The following BRD7 variants were observed in gnomAD, a reference collection of about 807,000 sequenced individuals.
The protein encoded by BRD7 is bromodomain containing 7, also known as bromodomain-containing protein 7.
A neutral mutation model predicts 82.1 loss-of-function variants in BRD7; 15 were observed. The observed-to-expected ratio is 0.18, with a 90% CI of 0.12 to 0.28. The LOEUF is 0.28. Among genes scored for constraint, BRD7 ranks in the 10% least tolerant of loss-of-function variants. The pLI, the probability that BRD7 is intolerant of heterozygous loss-of-function variation, is 1.00. For synonymous variants in BRD7, 232 were observed against 266.9 expected (o/e 0.87, Z 1.27); for missense variants, 638 against 779.9 (o/e 0.82, Z 2.17).
intron 5 of BRD7, among the ~76,000 whole-genome samples, chr16:50,345,860 C>T (rs202042169): frequency 2.6e-5 from 4 of 151,664 alleles, no homozygotes; most frequent in Admixed American, 6.6e-5. Flanking sequence ...GACAGATCGA[C>T]GAGACAGAAA....
intron 8 of BRD7, among the ~76,000 whole-genome samples, chr16:50,330,336 A>ATTTTT (rs1567604853): frequency 7.2e-6 from 1 of 139,770 alleles, no homozygotes. Flanking sequence ...AAAAGAGGAC[A>ATTTTT]CTTTTTTTTT....
At chr16:50,360,019 C>A (rs2151204632) in intron 2 of BRD7, among the ~76,000 whole-genome samples, 1 of 152,258 alleles carries the variant, frequency 6.6e-6, no homozygotes, top group Middle Eastern at 3.4e-3. Context: ...AACTTGATGG[C>A]AAGTTATTTT....
chr16:50,344,765 T>C (rs2038214595), intron 5 of BRD7, among the ~76,000 whole-genome samples: 1 of 152,210 alleles, frequency 6.6e-6, no homozygotes, highest in South Asian at 2.1e-4. Context: ...TATTGGACTA[T>C]GTGAAAAGGC....
At chr16:50,326,428 C>T (rs1192690470) in intron 9 of BRD7, 37 bp from the exon 10 acceptor site, 1 of 1,444,966 alleles carries the variant, frequency 6.9e-7, no homozygotes, top group Non-Finnish European at 9.3e-7. Context: ...AGGAGGCCTA[C>T]ATGGCCATGA....
At chr16:50,347,279 T>G (rs2038323780) in intron 5 of BRD7, among the ~76,000 whole-genome samples, 1 of 152,134 alleles carries the variant, frequency 6.6e-6, no homozygotes, top group Non-Finnish European at 1.5e-5. Context: ...TAAGAGCTAT[T>G]TATGACAAAA....
At chr16:50,332,321 T>C (rs1170166970) in intron 8 of BRD7, among the ~76,000 whole-genome samples, 1 of 151,958 alleles carries the variant, frequency 6.6e-6, no homozygotes. Flanking sequence ...AACAAACAAA[T>C]AGCCCCATTA....
At chr16:50,360,225 T>C (rs2038887481) in intron 2 of BRD7, among the ~76,000 whole-genome samples, 1 of 152,184 alleles carries the variant, frequency 6.6e-6, no homozygotes, top group Admixed American at 6.5e-5. Flanking sequence ...ACTTGCTAAG[T>C]ATTTGCAGAA....
chr16:50,338,523 A>G (rs1234351040), intron 6 of BRD7, among the ~76,000 whole-genome samples: 1 of 152,234 alleles, frequency 6.6e-6, no homozygotes, highest in Non-Finnish European at 1.5e-5. Context: ...ATGCAGATGC[A>G]CGACTCATTT....
chr16:50,323,155 A>G (rs2037189510), intron 12 of BRD7, among the ~76,000 whole-genome samples: 2 of 152,234 alleles, frequency 1.3e-5, no homozygotes, highest in Non-Finnish European at 2.9e-5. Flanking sequence ...ATAGCTTACA[A>G]ATGTTAATAA....
rs1327315275 is a variant in BRD7 at position 50,325,278 on chromosome 16, C to T, written c.1331+470G>A. On this transcript the variant is annotated intron_variant, in intron 11 of 16. Coordinates refer to ENST00000394688, the MANE Select transcript of BRD7 (RefSeq NM_013263.5). Reference sequence around the variant, plus strand: ...AATAAAGAATGGTTGAGTTTAACTGCAATGGTCTACCTGGCATGTGATTGG... The same window carrying T: ...AATAAAGAATGGTTGAGTTTAACTGTAATGGTCTACCTGGCATGTGATTGG... 3.9e-5 allele frequency among the ~76,000 whole-genome samples: 6 copies of T among 152,274 alleles called. No individual in the cohort carries two copies. The South Asian group carries it at 8.3e-4, about 21-fold the overall frequency.
At chr16:50,366,610 A>G (rs969306037) in intron 2 of BRD7, among the ~76,000 whole-genome samples, 2 of 152,254 alleles carry the variant, frequency 1.3e-5, no homozygotes, top group African/African-American at 4.8e-5. Context: ...CTCATCTTCC[A>G]TAACATGATG....
At chr16:50,332,936 GCA>G (rs1472035447) in intron 8 of BRD7, among the ~76,000 whole-genome samples, 1 of 152,076 alleles carries the variant, frequency 6.6e-6, no homozygotes, top group Non-Finnish European at 1.5e-5. Context: ...AAATACTGGT[GCA>G]CACAGACACA....
rs111468620 is a variant in BRD7, at chr16:50,334,695, C to G, written c.887+16G>C. Reference sequence around the variant, plus strand: ...GAAGAAGACAGTTTGACCTTAACATCCCAAAGATCTTTTACTTTTTATTTT... The same window carrying G: ...GAAGAAGACAGTTTGACCTTAACATGCCAAAGATCTTTTACTTTTTATTTT... On this transcript the variant is annotated intron_variant, in intron 7 of 16. Coordinates refer to ENST00000394688, the MANE Select transcript of BRD7 (RefSeq NM_013263.5). 42 of 1,611,344 alleles carry G rather than the reference C, an allele frequency of 2.6e-5. No individual in the cohort carries two copies. The highest frequency in any genetic ancestry group is 1.1e-5 in the South Asian group (1 of 90,950).
chr16:50,365,957 A>T (rs1003042333), intron 2 of BRD7, among the ~76,000 whole-genome samples: 2 of 150,604 alleles, frequency 1.3e-5, no homozygotes, highest in Non-Finnish European at 2.9e-5. Context: ...TCATTGTGAA[A>T]TGTCAGAACA....
At chr16:50,344,259 T>C (rs993964003) in intron 5 of BRD7, among the ~76,000 whole-genome samples, 2 of 152,170 alleles carry the variant, frequency 1.3e-5, no homozygotes, top group East Asian at 3.9e-4. Flanking sequence ...TCCATCTGTA[T>C]GTCACCATCA....
At chr16:50,323,217 G>A (rs962500356) in intron 12 of BRD7, among the ~76,000 whole-genome samples, 1 of 152,204 alleles carries the variant, frequency 6.6e-6, no homozygotes, top group African/African-American at 2.4e-5. Context: ...CTCCCGATGT[G>A]CTATTACTGC....
chr16:50,360,813 C>A (rs1348278657), intron 2 of BRD7, among the ~76,000 whole-genome samples: 3 of 152,274 alleles, frequency 2.0e-5, no homozygotes, highest in South Asian at 4.1e-4. Context: ...TACTCATAGG[C>A]CCCTTTTCTG....
intron 6 of BRD7, among the ~76,000 whole-genome samples, chr16:50,336,963 A>C (rs2037827365): frequency 6.6e-6 from 1 of 152,220 alleles, no homozygotes. Flanking sequence ...TTTGCTAATA[A>C]TATAGCTAAC....
rs192811063 is a variant in BRD7, at chr16:50,319,204, G to C, written c.*7C>G. On this transcript the variant is annotated 3_prime_UTR_variant, in exon 17 of 17. Transcript: ENST00000394688. Reference sequence around the variant, plus strand: ...GTACATAATATATAATCAAATACCAGGCAGCCTCAACTTCCACCAGGTCCA... The same window carrying C: ...GTACATAATATATAATCAAATACCACGCAGCCTCAACTTCCACCAGGTCCA... 2.0e-4 allele frequency: 325 copies of C among 1,609,826 alleles called. No homozygotes were observed. The African/African-American group carries it at 3.7e-3, about 18-fold the overall frequency.
Sources: allele counts gnomAD v4.1 joint callset (sites outside exome capture counted in the v4.1 genomes callset), GRCh38; gene constraint gnomAD v4.1.1; transcripts MANE v1.5; gene names NCBI Gene and HGNC (gene_info 2026-07-23, HGNC 2026-07-21).